Variants in GPC3 observed in about 807,000 individuals in gnomAD.
GPC3 encodes glypican 3, also known as glypican-3.
In GPC3, 3 loss-of-function variants were observed where a neutral mutation model predicts 34.4. The observed-to-expected ratio is 0.09, with a 90% confidence interval of 0.04 to 0.23. The LOEUF (loss-of-function observed/expected upper bound fraction) is 0.23, where lower values mean the gene tolerates loss of function less well. GPC3 is among the 10% of genes least tolerant of loss of function. The pLI, the probability that GPC3 is intolerant of heterozygous loss-of-function variation, is 1.00. For missense variants in GPC3, 351 were observed against 445.6 expected, an observed-to-expected ratio of 0.79 and a Z score of 1.91; for synonymous variants, 177 against 174.0, an observed-to-expected ratio of 1.02 and a Z score of -0.13.
intron 6 of GPC3, among the ~76,000 whole-genome samples, chrX:133,643,175 G>A (rs895843561): frequency 9.1e-5 from 7 of 76,699 alleles, no homozygotes; most frequent in Non-Finnish European, 1.6e-4. Context: ...GGCTGTCCCT[G>A]GGACCATGTC....
At chrX:133,586,659 T>A (rs1177242897) in intron 7 of GPC3, among the ~76,000 whole-genome samples, 1 of 112,006 alleles carries the variant, frequency 8.9e-6, no homozygotes, top group East Asian at 2.8e-4. Flanking sequence ...TTGTTGTGAC[T>A]ATGTGGTTAT....
At chrX:133,712,470 A>G (rs1199506994) in intron 3 of GPC3, among the ~76,000 whole-genome samples, 2 of 112,067 alleles carry the variant, frequency 1.8e-5, no homozygotes, top group African/African-American at 6.5e-5. Context: ...TTAAAAGTCA[A>G]AAGTGTTTGT....
chrX:133,558,520 A>G (rs2069513270), intron 7 of GPC3, among the ~76,000 whole-genome samples: 1 of 110,864 alleles, frequency 9.0e-6, no homozygotes. Flanking sequence ...TTGGGGAAAG[A>G]TAGGGTTGAA....
At chrX:133,703,641 T>C (rs907830076) in intron 3 of GPC3, among the ~76,000 whole-genome samples, 2 of 111,058 alleles carry the variant, frequency 1.8e-5, no homozygotes, top group African/African-American at 6.6e-5. Context: ...TTTGTATTTT[T>C]AGTAGAGACA....
intron 6 of GPC3, among the ~76,000 whole-genome samples, chrX:133,659,962 C>T (rs1402237818): frequency 2.7e-5 from 3 of 111,987 alleles, no homozygotes; most frequent in Non-Finnish European, 5.6e-5. Flanking sequence ...TTGAAATCAT[C>T]ACACTATATC....
intron 1 of GPC3, among the ~76,000 whole-genome samples, chrX:133,977,165 A>T (rs989072283): frequency 9.0e-6 from 1 of 110,935 alleles, no homozygotes; most frequent in Non-Finnish European, 1.9e-5. Flanking sequence ...TTATTCTTAC[A>T]TTCATTCCAA....
At chrX:133,708,085 A>AT (rs1224105707) in intron 3 of GPC3, among the ~76,000 whole-genome samples, 2 of 111,260 alleles carry the variant, frequency 1.8e-5, no homozygotes, top group Non-Finnish European at 3.8e-5. Context: ...GCTCAGGATA[A>AT]TTTTTTCTTT....
intron 2 of GPC3, among the ~76,000 whole-genome samples, chrX:133,797,497 A>G (rs111233187): frequency 0.014 from 1,585 of 110,984 alleles, 41 homozygotes; most frequent in African/African-American, 0.05. Flanking sequence ...GATTCCTTAA[A>G]GACTAGGGGA....
intron 3 of GPC3, among the ~76,000 whole-genome samples, chrX:133,702,064 T>C (rs1047692639): frequency 2.7e-5 from 3 of 112,422 alleles, no homozygotes; most frequent in Non-Finnish European, 5.6e-5. Context: ...CTTGAGCTAA[T>C]ATTAACTTCA....
At chrX:133,730,613 A>T (rs1248259533) in intron 3 of GPC3, among the ~76,000 whole-genome samples, 1 of 111,929 alleles carries the variant, frequency 8.9e-6, no homozygotes, top group African/African-American at 3.2e-5. Flanking sequence ...TTCACATAAA[A>T]ATGCTCATAA....
chrX:133,624,332 GAC>G (rs1250047871), intron 6 of GPC3, among the ~76,000 whole-genome samples: 1 of 111,542 alleles, frequency 9.0e-6, no homozygotes, highest in African/African-American at 3.3e-5. Flanking sequence ...AGGAGATCGA[GAC>G]ACAAAAAACC....
intron 3 of GPC3, among the ~76,000 whole-genome samples, chrX:133,741,253 T>C (rs1177438071): frequency 2.0e-5 from 2 of 102,179 alleles, no homozygotes; most frequent in Admixed American, 1.1e-4. Flanking sequence ...CCTGGATTTG[T>C]GGGAAAATAA....
intron 7 of GPC3, among the ~76,000 whole-genome samples, chrX:133,559,903 C>T (rs2069527028): frequency 9.0e-6 from 1 of 111,510 alleles, no homozygotes. Context: ...CTCTCTGTCT[C>T]TCTATGTCTC....
intron 2 of GPC3, among the ~76,000 whole-genome samples, chrX:133,833,444 G>C (rs1251235277): frequency 9.0e-6 from 1 of 111,681 alleles, no homozygotes; most frequent in Admixed American, 9.5e-5. Context: ...AAAATCGAGA[G>C]AAGAGTATAT....
intron 2 of GPC3, among the ~76,000 whole-genome samples, chrX:133,926,536 G>C (rs1368870966): frequency 8.9e-6 from 1 of 112,309 alleles, no homozygotes; most frequent in African/African-American, 3.2e-5. Context: ...AAATATAATT[G>C]AAACACAATC....
At chrX:133,732,940 C>T (rs1421765137) in intron 3 of GPC3, among the ~76,000 whole-genome samples, 3 of 110,997 alleles carry the variant, frequency 2.7e-5, no homozygotes, top group African/African-American at 9.8e-5. Flanking sequence ...AATCGGCTCA[C>T]TGCAGCCTCG....
chrX:133,760,305 T>C (rs1463117491), intron 2 of GPC3, among the ~76,000 whole-genome samples: 1 of 112,168 alleles, frequency 8.9e-6, no homozygotes, highest in Admixed American at 9.5e-5. Flanking sequence ...CCCAATTTAT[T>C]TGAAAACTCA....
At chrX:133,767,234 C>T (rs1846702790) in intron 2 of GPC3, among the ~76,000 whole-genome samples, 1 of 111,981 alleles carries the variant, frequency 8.9e-6, no homozygotes, top group Admixed American at 9.5e-5. Flanking sequence ...AACTCTACAA[C>T]TTGGGTAAGA....
At chrX:133,618,602 G>A (rs756054876) in intron 6 of GPC3, among the ~76,000 whole-genome samples, 1 of 108,532 alleles carries the variant, frequency 9.2e-6, no homozygotes, top group Non-Finnish European at 1.9e-5. Context: ...TCGGGAGGCT[G>A]AGGCAGGAGA....
Sources: gnomAD v4.1 joint callset for allele counts (sites outside exome capture counted in the v4.1 genomes callset) on GRCh38, gnomAD v4.1.1 for gene constraint, MANE v1.5 for transcripts, NCBI Gene and HGNC (gene_info 2026-07-23, HGNC 2026-07-21) for gene names.